The following DOCK4 variants were observed in gnomAD, a reference collection of about 807,000 sequenced individuals.
DOCK4 encodes dedicator of cytokinesis 4, also known as dedicator of cytokinesis protein 4.
In DOCK4, 97 loss-of-function variants were observed where a neutral mutation model predicts 268.1. That is an observed-to-expected ratio of 0.36 (90% CI 0.31 to 0.43). The LOEUF (loss-of-function observed/expected upper bound fraction) is 0.43, where lower values mean the gene tolerates loss of function less well. Ranked by LOEUF, DOCK4 falls within the 20% of genes least tolerant of loss-of-function variation. The pLI is 1.00. For missense variants in DOCK4, 2,145 were observed against 2,455.7 expected (o/e 0.87, Z 2.67); for synonymous variants, 954 against 887.2 (o/e 1.08, Z -1.34).
chr7:111,859,433 C>A (rs1805295821), intron 23 of DOCK4, among the ~76,000 whole-genome samples: 1 of 151,830 alleles, frequency 6.6e-6, no homozygotes, highest in Non-Finnish European at 1.5e-5. Context: ...TTTTTTTTAC[C>A]CATCCCTTGT....
Position 111,834,693 on chromosome 7 carries a change from T to TAAA in DOCK4, c.2737-10_2737-8dup. 1 of 1,367,430 alleles carries TAAA rather than the reference T, an allele frequency of 7.3e-7. No homozygotes were observed. Among genetic ancestry groups the TAAA allele is most frequent in the Non-Finnish European group, 9.8e-7 (1 of 1,023,916 alleles). The allele number at this position is 1,367,430 out of a possible 1,614,324, so 84.7% of individuals were successfully genotyped here. ...GACAAGCAACAAACTCCCCCTAAGT[T>TAAA]AAAAAAAAAAAAAGCATACATTTTA... On this transcript the variant is annotated splice_region_variant and splice_polypyrimidine_tract_variant and intron_variant, in intron 25 of 52. Coordinates refer to ENST00000428084, the MANE Select transcript of DOCK4 (RefSeq NM_001363540.2).
intron 10 of DOCK4, among the ~76,000 whole-genome samples, chr7:111,943,969 T>C (rs1487488177): frequency 6.6e-6 from 1 of 152,180 alleles, no homozygotes; most frequent in Non-Finnish European, 1.5e-5. Context: ...CCTAGGCAAG[T>C]AATGGAGTAC....
At chr7:112,079,104 G>T (rs1025090040) in intron 1 of DOCK4, among the ~76,000 whole-genome samples, 2 of 152,148 alleles carry the variant, frequency 1.3e-5, no homozygotes, top group African/African-American at 4.8e-5. Flanking sequence ...TTCAGCCTGG[G>T]CAACAGAGCG....
intron 5 of DOCK4, among the ~76,000 whole-genome samples, chr7:111,993,366 C>A (rs758513015): frequency 6.6e-6 from 1 of 152,192 alleles, no homozygotes; most frequent in Non-Finnish European, 1.5e-5. Flanking sequence ...ATGGGGTCTT[C>A]CCTAATATTT....
At position 111,728,660 on chromosome 7, in the gene DOCK4, T is replaced by C. The variant is rs1794840031; in HGVS notation, c.5542A>G (p.Asn1848Asp). The change falls in exon 53 of 53, where the codon AAC (asparagine) becomes GAC (aspartate). Residue 1848 changes from asparagine to aspartate, a missense_variant. This residue lies in a region of DOCK4 where 547 missense variants were observed against 469.0 expected (regional missense o/e 1.17). Coordinates refer to ENST00000428084, the MANE Select transcript of DOCK4 (RefSeq NM_001363540.2). ...TAGCTGCCCGACAAGACAGGGGAGTTGGAGATGAGTCCTGGCGAGTGGTAC... is the reference window on the plus strand; with the variant it reads ...TAGCTGCCCGACAAGACAGGGGAGTCGGAGATGAGTCCTGGCGAGTGGTAC... ...VEYHSPGLIS[N>D]SPVLSGSYSS... The C allele has an allele frequency of 6.2e-7, 1 of 1,613,704 alleles. No homozygotes were observed. The highest frequency in any genetic ancestry group is 1.7e-5 in the Admixed American group (1 of 59,986).
chr7:112,081,033 C>A (rs1390655165), intron 1 of DOCK4, among the ~76,000 whole-genome samples: 1 of 151,980 alleles, frequency 6.6e-6, no homozygotes, highest in Non-Finnish European at 1.5e-5. Flanking sequence ...CTAGAGGGTC[C>A]GCCAAGTAGC....
intron 1 of DOCK4, among the ~76,000 whole-genome samples, chr7:112,147,750 A>G (rs1815647097): frequency 6.6e-6 from 1 of 151,586 alleles, no homozygotes; most frequent in African/African-American, 2.4e-5. Context: ...CGAGTGAAGA[A>G]TCCATCCTTA....
intron 23 of DOCK4, among the ~76,000 whole-genome samples, chr7:111,860,133 G>T (rs1241381513): frequency 6.6e-6 from 1 of 152,154 alleles, no homozygotes; most frequent in African/African-American, 2.4e-5. Flanking sequence ...CCTGCTGTTT[G>T]CATTTCACAT....
chr7:112,111,782 T>C (rs1430978699), intron 1 of DOCK4, among the ~76,000 whole-genome samples: 1 of 152,342 alleles, frequency 6.6e-6, no homozygotes, highest in East Asian at 1.9e-4. Context: ...AATTGTCAGA[T>C]ACTTTAAATA....
chr7:112,144,091 T>C (rs1815199278), intron 1 of DOCK4, among the ~76,000 whole-genome samples: 2 of 152,208 alleles, frequency 1.3e-5, no homozygotes, highest in African/African-American at 4.8e-5. Flanking sequence ...CTCAGTTTCC[T>C]TGGCATTCTT....
chr7:111,972,425 C>G (rs1332797611), intron 8 of DOCK4, among the ~76,000 whole-genome samples: 1 of 152,028 alleles, frequency 6.6e-6, no homozygotes, highest in Admixed American at 6.6e-5. Context: ...ATTTAAAGCA[C>G]TTAGAACAGA....
chr7:112,198,525 C>G (rs1030826623), intron 1 of DOCK4, among the ~76,000 whole-genome samples: 1 of 152,198 alleles, frequency 6.6e-6, no homozygotes, highest in African/African-American at 2.4e-5. Context: ...TCTATCCACA[C>G]TTCACCATGA....
At chr7:112,063,564 G>A (rs1226223701) in intron 1 of DOCK4, among the ~76,000 whole-genome samples, 1 of 152,100 alleles carries the variant, frequency 6.6e-6, no homozygotes, top group Admixed American at 6.6e-5. Context: ...ACTAACCCAG[G>A]AAAAGATCAA....
intron 5 of DOCK4, among the ~76,000 whole-genome samples, chr7:111,989,646 T>C (rs959086029): frequency 3.3e-5 from 5 of 152,220 alleles, no homozygotes; most frequent in African/African-American, 1.2e-4. Flanking sequence ...CTATCAGAAG[T>C]TGGGCACAAA....
intron 1 of DOCK4, among the ~76,000 whole-genome samples, chr7:112,161,780 A>G (rs1298746700): frequency 2.0e-5 from 3 of 152,166 alleles, no homozygotes; most frequent in Non-Finnish European, 4.4e-5. Flanking sequence ...ACATTTACAC[A>G]TCTTGGTTAA....
Position 111,868,057 on chromosome 7 carries a change from T to C in DOCK4, c.2207A>G (p.Gln736Arg). The change falls in exon 22 of 53, where the codon CAG becomes CGG. Residue 736 changes from glutamine to arginine, a missense_variant. Transcript: ENST00000428084. ...QNEEEFRCCIQELLMSVRFFL... is the reference protein window; with the variant it reads ...QNEEEFRCCIRELLMSVRFFL... ...GAAACGGACTGACATGAGAAGCTCC[T>C]GAATGCAGCAGCGGAACTCCTCTTC... The C allele has an allele frequency of 6.2e-7, 1 of 1,613,752 alleles. No individual in the cohort carries two copies.
intron 1 of DOCK4, among the ~76,000 whole-genome samples, chr7:112,091,204 C>T (rs978527097): frequency 1.6e-4 from 24 of 152,242 alleles, no homozygotes; most frequent in South Asian, 8.3e-4. Context: ...CCAACTAATT[C>T]GCAGACATAA....
intron 7 of DOCK4, among the ~76,000 whole-genome samples, chr7:111,978,011 C>T (rs1798336759): frequency 6.6e-6 from 1 of 152,128 alleles, no homozygotes. Flanking sequence ...GAATCATTCA[C>T]GAGTCCAGGA....
At chr7:112,109,310 A>G (rs1351582732) in intron 1 of DOCK4, among the ~76,000 whole-genome samples, 3 of 152,220 alleles carry the variant, frequency 2.0e-5, no homozygotes, top group Admixed American at 6.5e-5. Context: ...ACCCAAGACA[A>G]GTGCTAACTA....
Sources: gnomAD v4.1 joint callset for allele counts (sites outside exome capture counted in the v4.1 genomes callset) on GRCh38, gnomAD v4.1.1 for gene constraint, gnomAD v4.1.1 regional missense constraint, MANE v1.5 for transcripts, NCBI Gene and HGNC (gene_info 2026-07-23, HGNC 2026-07-21) for gene names.